ORC3: variants seen among roughly 807,000 people sequenced by gnomAD.
The protein encoded by ORC3 is origin recognition complex subunit 3, also known as homolog of latheo, Drosophila.
In ORC3, 78 loss-of-function variants were observed where a neutral mutation model predicts 100.7. The ratio of observed to expected loss-of-function variants is 0.77; its 90% CI spans 0.65 to 0.94. The LOEUF (loss-of-function observed/expected upper bound fraction) is 0.94. Ranked by LOEUF, ORC3 falls within the 40% of genes least tolerant of loss-of-function variation. The pLI is 0.00. For synonymous variants in ORC3, 295 were observed against 289.3 expected, an observed-to-expected ratio of 1.02 and a Z score of -0.20; for missense variants, 789 against 823.9, an observed-to-expected ratio of 0.96 and a Z score of 0.52.
At chr6:87,639,863 G>A (rs1033933901) in intron 13 of ORC3, among the ~76,000 whole-genome samples, 2 of 150,968 alleles carry the variant, frequency 1.3e-5, no homozygotes, top group African/African-American at 2.4e-5. Context: ...AGCCTGGCAT[G>A]GTGGTGCACA....
intron 11 of ORC3, among the ~76,000 whole-genome samples, chr6:87,629,534 T>C (rs1346841928): frequency 6.6e-6 from 1 of 152,146 alleles, no homozygotes; most frequent in East Asian, 1.9e-4. Flanking sequence ...CAATAGGGGG[T>C]CTGTCATATA....
intron 14 of ORC3, among the ~76,000 whole-genome samples, chr6:87,653,625 T>C (rs1444100086): frequency 6.6e-6 from 1 of 152,244 alleles, no homozygotes; most frequent in Non-Finnish European, 1.5e-5. Context: ...AAGTTCTTTA[T>C]AGATTTCCAA....
At chr6:87,617,702 C>T (rs1327785602) in intron 9 of ORC3, among the ~76,000 whole-genome samples, 1 of 152,176 alleles carries the variant, frequency 6.6e-6, no homozygotes, top group Non-Finnish European at 1.5e-5. Context: ...TCACTGCACT[C>T]TAGCCTGGGT....
At position 87,657,950 on chromosome 6, in the gene ORC3, A is replaced by T. The variant is rs2128292850; in HGVS notation, c.1623A>T (p.Arg541Ser). The change falls in exon 16 of 20, where the codon AGA becomes AGT. Residue 541 changes from arginine to serine, a missense_variant. Arg to Ser is a moderately radical substitution (Grantham distance 110). Coordinates refer to ENST00000392844, the MANE Select transcript of ORC3 (RefSeq NM_012381.4). ...KSLLEMKELR[R>S]SKKQTKFEVL... ...TATTGGAAATGAAGGAGTTAAGAAG[A>T]AGTAAGAAGCAAACCAAATTTGAAG... 1 of 1,590,200 alleles carries T rather than the reference A, an allele frequency of 6.3e-7. No homozygotes were observed. Among genetic ancestry groups the T allele is most frequent in the East Asian group, 2.2e-5 (1 of 44,748 alleles).
chr6:87,659,884 GAAAA>G (rs978425894), intron 16 of ORC3, among the ~76,000 whole-genome samples: 1 of 136,654 alleles, frequency 7.3e-6, no homozygotes, highest in Non-Finnish European at 1.6e-5. Context: ...TCCATCTCGA[GAAAA>G]AAAAAAAAAG....
Position 87,667,133 on chromosome 6 carries a change from A to G in ORC3, c.*10A>G, listed in dbSNP as rs546571144. ...ATGGGGAGGCTGCTAGAAAGCAAAT[A>G]AGCAAAGCCAGAACTATCACATTTA... is the stretch of plus-strand genomic sequence containing the variant. On this transcript the variant is annotated 3_prime_UTR_variant, in exon 20 of 20. Transcript: ENST00000392844. The G allele has an allele frequency of 2.7e-5, 40 of 1,489,180 alleles. No homozygotes were observed. The highest frequency in any genetic ancestry group is 4.6e-4 in the Middle Eastern group (2 of 4,348). The allele number at this position is 1,489,180 out of a possible 1,614,324, so 92.2% of individuals were successfully genotyped here. A position where few individuals can be genotyped will look rare whatever the true frequency, so the allele number is the denominator to read the frequency against.
chr6:87,670,323 G>A (rs1213122796), downstream of ORC3, among the ~76,000 whole-genome samples: 1 of 151,984 alleles, frequency 6.6e-6, no homozygotes, highest in African/African-American at 2.4e-5. Flanking sequence ...GTGCCACCAC[G>A]CCCAGCTAAT....
intron 19 of ORC3, 96 bp from the exon 20 acceptor site, chr6:87,666,922 C>T: frequency 1.5e-6 from 1 of 671,586 alleles, no homozygotes; most frequent in East Asian, 2.7e-5. Context: ...TCTGAACTAT[C>T]TACTTCATTT....
chr6:87,619,804 A>T (rs1779408496), intron 9 of ORC3, among the ~76,000 whole-genome samples: 1 of 152,178 alleles, frequency 6.6e-6, no homozygotes, highest in Non-Finnish European at 1.5e-5. Flanking sequence ...CTAACAAGTG[A>T]CAGCATCTTT....
chr6:87,594,945 T>C (rs1777324281), intron 2 of ORC3, among the ~76,000 whole-genome samples: 2 of 152,232 alleles, frequency 1.3e-5, no homozygotes, highest in East Asian at 3.8e-4. Flanking sequence ...AATACAATAT[T>C]CATGGGGAGA....
chr6:87,602,673 T>A (rs934447035), intron 3 of ORC3, among the ~76,000 whole-genome samples: 1 of 151,876 alleles, frequency 6.6e-6, no homozygotes, highest in African/African-American at 2.4e-5. Flanking sequence ...CGTCTTCATT[T>A]CTGAATCTGG....
chr6:87,646,774 G>C (rs966371655), intron 13 of ORC3, among the ~76,000 whole-genome samples: 4 of 152,236 alleles, frequency 2.6e-5, no homozygotes, highest in African/African-American at 9.6e-5. Context: ...GTGCCCCAGG[G>C]CTTAATCGTA....
intron 11 of ORC3, among the ~76,000 whole-genome samples, chr6:87,624,141 G>C (rs1583068147): frequency 6.6e-6 from 1 of 152,120 alleles, no homozygotes; most frequent in East Asian, 1.9e-4. Flanking sequence ...GAAAAAGTTA[G>C]CTGCAGGCTA....
At chr6:87,620,155 T>G (rs771132174) in intron 9 of ORC3, among the ~76,000 whole-genome samples, 1 of 152,254 alleles carries the variant, frequency 6.6e-6, no homozygotes, top group Non-Finnish European at 1.5e-5. Flanking sequence ...CTGTAACTTC[T>G]GTGGCTTCCT....
chr6:87,634,860 T>C lies in ORC3; in HGVS notation c.1201T>C (p.Leu401=), dbSNP rs758919992. Reference sequence around the variant, plus strand: ...TGATTTTTAGGAGGAAACACAATTATTACTAGAAAACCTGCATGTTTATCA... The same window carrying C: ...TGATTTTTAGGAGGAAACACAATTACTACTAGAAAACCTGCATGTTTATCA... ...ERYLKEETQL[L]LENLHVYHMN... is the part of the protein sequence containing the mutation. The change falls in exon 12 of 20, where the codon TTA becomes CTA. Residue 401 remains leucine (L), a synonymous_variant. Transcript: ENST00000392844. 3.2e-6 allele frequency: 5 copies of C among 1,542,172 alleles called. No homozygotes were observed. Among genetic ancestry groups the C allele is most frequent in the East Asian group, 4.5e-5 (2 of 44,516 alleles).
intron 2 of ORC3, chr6:87,594,702 T>C (rs746314380): frequency 1.1e-4 from 37 of 342,886 alleles, no homozygotes; most frequent in Non-Finnish European, 1.4e-4. Flanking sequence ...CATTGTTTTT[T>C]TATCTACAAC....
intron 16 of ORC3, among the ~76,000 whole-genome samples, chr6:87,659,356 C>A (rs1443342231): frequency 1.3e-5 from 2 of 151,900 alleles, no homozygotes; most frequent in Non-Finnish European, 2.9e-5. Context: ...GCCACCGCGC[C>A]CGGCCCTGTT....
chr6:87,676,352 A>G, the ORC3 span, among the ~76,000 whole-genome samples: 2 of 148,252 alleles, frequency 1.3e-5, no homozygotes, highest in Non-Finnish European at 3.0e-5. Flanking sequence ...TGTAGTCCCA[A>G]CTACTCGGGA....
chr6:87,591,856 C>T (rs1461298586), intron 1 of ORC3, among the ~76,000 whole-genome samples: 3 of 152,034 alleles, frequency 2.0e-5, no homozygotes, highest in African/African-American at 4.8e-5. Context: ...CTCAGCCTCC[C>T]GGGCAGTTGG....
Sources: allele counts gnomAD v4.1 joint callset (sites outside exome capture counted in the v4.1 genomes callset), GRCh38; gene constraint gnomAD v4.1.1; transcripts MANE v1.5; gene names NCBI Gene and HGNC (gene_info 2026-07-23, HGNC 2026-07-21).